The following YTHDF3 variants were observed in gnomAD, a reference collection of about 807,000 sequenced individuals.
The protein encoded by YTHDF3 is YTH domain-containing family protein 3.
In YTHDF3, 9 loss-of-function variants were observed where a neutral mutation model predicts 52.5. That is an observed-to-expected ratio of 0.17 (90% CI 0.10 to 0.30). YTHDF3 has a LOEUF of 0.30. Among genes scored for constraint, YTHDF3 ranks in the 10% least tolerant of loss-of-function variants. The pLI, the probability that YTHDF3 is intolerant of heterozygous loss-of-function variation, is 1.00. For missense variants in YTHDF3, 534 were observed against 715.0 expected, an observed-to-expected ratio of 0.75 and a Z score of 2.89; for synonymous variants, 274 against 243.3, an observed-to-expected ratio of 1.13 and a Z score of -1.18.
chr8:63,207,630 A>T (rs868012087), intron 4 of YTHDF3, among the ~76,000 whole-genome samples: 1 of 152,148 alleles, frequency 6.6e-6, no homozygotes, highest in Non-Finnish European at 1.5e-5. Flanking sequence ...TACATAGTTG[A>T]TTACAATTCA....
chr8:63,187,387 G>A lies in YTHDF3; in HGVS notation c.1376G>A (p.Gly459Asp). The A allele has an allele frequency of 6.2e-7, 1 of 1,613,972 alleles. No individual in the cohort carries two copies. The highest frequency in any genetic ancestry group is 1.1e-5 in the South Asian group (1 of 91,072). The change falls in exon 4 of 5, where the codon GGC becomes GAC. Residue 459 changes from glycine to aspartate, a missense_variant. Gly to Asp is a moderately conservative substitution (Grantham distance 94). This residue lies in a region of YTHDF3 where 135 missense variants were observed against 214.2 expected (regional missense o/e 0.63). Transcript: ENST00000539294. ...DAAYRSLNGK[G>D]PLYLLFSVNG... Reference sequence around the variant, plus strand: ...GCTTACCGTTCCCTGAATGGGAAAGGCCCACTCTATTTACTCTTCAGTGTG... The same window carrying A: ...GCTTACCGTTCCCTGAATGGGAAAGACCCACTCTATTTACTCTTCAGTGTG...
chr8:63,172,822 C>T (rs1807418747), intron 2 of YTHDF3: 1 of 1,230,832 alleles, frequency 8.1e-7, no homozygotes, highest in South Asian at 4.1e-5. Flanking sequence ...TCTTTTTACC[C>T]CTGAAGAAAT....
Position 63,195,499 on chromosome 8 carries a change from A to C in YTHDF3, c.1734+7754A>C, listed in dbSNP as rs150326123. Among the ~76,000 whole-genome samples, 37 of 152,334 alleles carry C rather than the reference A, an allele frequency of 2.4e-4. No individual in the cohort carries two copies. In the East Asian group the frequency reaches 7.1e-3, roughly 29 times the overall value. ...GATGATCTGAAACTTCAGATTAGAG[A>C]AAAATTTCAAATGTGCAGCAATAGA... is the stretch of plus-strand genomic sequence containing the variant. On this transcript the variant is annotated intron_variant, in intron 4 of 4. Transcript: ENST00000539294.
intron 2 of YTHDF3, among the ~76,000 whole-genome samples, chr8:63,174,635 A>G (rs758170999): frequency 3.9e-4 from 59 of 152,204 alleles, no homozygotes; most frequent in Non-Finnish European, 1.0e-4. Context: ...CCTTTGAACA[A>G]AATTATTCTC....
intron 2 of YTHDF3, among the ~76,000 whole-genome samples, chr8:63,171,091 A>G (rs1372214934): frequency 6.6e-6 from 1 of 152,176 alleles, no homozygotes; most frequent in African/African-American, 2.4e-5. Context: ...TTATTTTGAT[A>G]GTTCTTTATT....
chr8:63,176,276 G>A (rs1394281326), intron 3 of YTHDF3, among the ~76,000 whole-genome samples: 1 of 152,140 alleles, frequency 6.6e-6, no homozygotes, highest in African/African-American at 2.4e-5. Context: ...TAGTTCTGTA[G>A]TTCTTATTTA....
chr8:63,188,065 G>C (rs1012323536), intron 4 of YTHDF3, among the ~76,000 whole-genome samples: 7 of 152,036 alleles, frequency 4.6e-5, no homozygotes, highest in Non-Finnish European at 1.0e-4. Flanking sequence ...AACTAACCAG[G>C]GGCTCTAATC....
At chr8:63,190,802 C>G (rs1808865265) in intron 4 of YTHDF3, among the ~76,000 whole-genome samples, 1 of 152,192 alleles carries the variant, frequency 6.6e-6, no homozygotes, top group South Asian at 2.1e-4. Flanking sequence ...CTGGCTGGCT[C>G]TGTGATTCGT....
At position 63,187,373 on chromosome 8, in the gene YTHDF3, C is replaced by T; in HGVS notation, c.1362C>T (p.Ser454=). ...GNKRLDAAYR[S]LNGKGPLYLL... is the part of the protein sequence containing the mutation. ...AGCGTTTGGATGCAGCTTACCGTTC[C>T]CTGAATGGGAAAGGCCCACTCTATT... The change falls in exon 4 of 5, where the codon TCC becomes TCT. Residue 454 remains serine, a synonymous_variant. Transcript: ENST00000539294. The T allele has an allele frequency of 6.2e-7, 1 of 1,613,936 alleles. No homozygotes were observed.
At chr8:63,194,904 TTTCC>T (rs1809138498) in intron 4 of YTHDF3, among the ~76,000 whole-genome samples, 1 of 152,258 alleles carries the variant, frequency 6.6e-6, no homozygotes, top group South Asian at 2.1e-4. Flanking sequence ...CTTTCTTTCA[TTTCC>T]TTCCTATGTT....
At chr8:63,194,249 C>T (rs979588831) in intron 4 of YTHDF3, among the ~76,000 whole-genome samples, 3 of 151,654 alleles carry the variant, frequency 2.0e-5, no homozygotes, top group East Asian at 1.9e-4. Context: ...TTCGGGAGGC[C>T]GATGCAGGAG....
chr8:63,202,161 A>G (rs545911735), intron 4 of YTHDF3, among the ~76,000 whole-genome samples: 1 of 152,330 alleles, frequency 6.6e-6, no homozygotes, highest in South Asian at 2.1e-4. Context: ...TAAAATGTAA[A>G]TGTAAGTTTA....
intron 4 of YTHDF3, among the ~76,000 whole-genome samples, chr8:63,204,651 C>T (rs749723695): frequency 4.6e-5 from 7 of 152,142 alleles, no homozygotes; most frequent in South Asian, 2.1e-4. Context: ...CATGAGCCAC[C>T]GCGCACCTGG....
chr8:63,209,854 G>A lies in YTHDF3; in HGVS notation c.*148G>A. ...ACACAAAGTTGACTCTTCTCGTAAT[G>A]GTTTTCATCAGCGCATCTGCCCTTA... On this transcript the variant is annotated 3_prime_UTR_variant, in exon 5 of 5. Coordinates refer to ENST00000539294, the MANE Select transcript of YTHDF3 (RefSeq NM_152758.6). 1.3e-6 allele frequency: 1 copy of A among 767,478 alleles called. No individual in the cohort carries two copies. Among genetic ancestry groups the A allele is most frequent in the Non-Finnish European group, 2.0e-6 (1 of 493,852 alleles). 47.5% of individuals were successfully genotyped at this position (767,478 alleles called of 1,614,324 possible). A position where few individuals can be genotyped will look rare whatever the true frequency, so the allele number is the denominator to read the frequency against.
chr8:63,179,370 C>A (rs969060545), intron 3 of YTHDF3, among the ~76,000 whole-genome samples: 1 of 152,152 alleles, frequency 6.6e-6, no homozygotes, highest in Non-Finnish European at 1.5e-5. Flanking sequence ...CTGCGGCCTT[C>A]CGCAGTGTTT....
At chr8:63,208,929 G>A (rs757486986) in intron 4 of YTHDF3, among the ~76,000 whole-genome samples, 3 of 152,140 alleles carry the variant, frequency 2.0e-5, no homozygotes, top group Non-Finnish European at 4.4e-5. Flanking sequence ...GTGCAATGGT[G>A]CCATCTTGGC....
Position 63,210,292 on chromosome 8 carries a change from G to C in YTHDF3, c.*586G>C, listed in dbSNP as rs1188245405. On this transcript the variant is annotated 3_prime_UTR_variant, in exon 5 of 5. Coordinates refer to ENST00000539294, the MANE Select transcript of YTHDF3 (RefSeq NM_152758.6). ...TGAAACATAATCTGAAATTATATTA[G>C]AACATTTCCCTTGTCTTCAAACTGT... The C allele has an allele frequency of 6.6e-6, 1 of 152,588 alleles. No homozygotes were observed. Among genetic ancestry groups the C allele is most frequent in the Non-Finnish European group, 1.5e-5 (1 of 68,070 alleles). The allele number at this position is 152,588 out of a possible 1,614,324, so 9.5% of individuals were successfully genotyped here.
intron 3 of YTHDF3, among the ~76,000 whole-genome samples, chr8:63,177,013 C>G (rs1011993995): frequency 1.3e-5 from 2 of 152,036 alleles, no homozygotes; most frequent in Non-Finnish European, 2.9e-5. Context: ...GTTAAAGATG[C>G]CAGTTAGTTT....
chr8:63,208,184 T>C (rs189012493), intron 4 of YTHDF3, among the ~76,000 whole-genome samples: 2 of 152,304 alleles, frequency 1.3e-5, no homozygotes, highest in African/African-American at 4.8e-5. Flanking sequence ...TTTATAGTTA[T>C]GTAGTAGGAC....
Sources: gnomAD v4.1 joint callset for allele counts (sites outside exome capture counted in the v4.1 genomes callset) on GRCh38, gnomAD v4.1.1 for gene constraint, gnomAD v4.1.1 regional missense constraint, MANE v1.5 for transcripts, NCBI Gene and HGNC (gene_info 2026-07-23, HGNC 2026-07-21) for gene names.